POU6F2: variants seen among roughly 807,000 people sequenced by gnomAD.
POU6F2 encodes the protein POU domain, class 6, transcription factor 2.
Under a neutral mutation model 71.3 loss-of-function variants are expected in POU6F2, and 31 were observed. That is an observed-to-expected ratio of 0.43 (90% CI 0.33 to 0.59). The LOEUF (loss-of-function observed/expected upper bound fraction) is 0.59. Among genes scored for constraint, POU6F2 ranks in the 20% least tolerant of loss-of-function variants. The probability of loss-of-function intolerance (pLI) is 0.04; values close to 1 mark genes in which losing one functional copy is unlikely to be tolerated. For missense variants in POU6F2, 783 were observed against 856.8 expected (o/e 0.91, Z 1.07); for synonymous variants, 347 against 355.7 (o/e 0.98, Z 0.27).
chr7:39,079,921 C>T (rs1398846645), intron 1 of POU6F2, among the ~76,000 whole-genome samples: 3 of 151,928 alleles, frequency 2.0e-5, no homozygotes, highest in African/African-American at 7.3e-5. Context: ...TGGGATTTTC[C>T]ACTTTTTTTC....
At chr7:39,194,269 C>T (rs1195155185) in intron 2 of POU6F2, among the ~76,000 whole-genome samples, 2 of 152,186 alleles carry the variant, frequency 1.3e-5, no homozygotes, top group Non-Finnish European at 2.9e-5. Flanking sequence ...CAGGATGCTG[C>T]GAGTTTTTCA....
chr7:39,282,713 TG>T (rs1270183852), intron 4 of POU6F2, among the ~76,000 whole-genome samples: 2 of 152,158 alleles, frequency 1.3e-5, no homozygotes, highest in East Asian at 3.9e-4. Context: ...AGTCAGGTAA[TG>T]TGATGCCTCC....
intron 5 of POU6F2, among the ~76,000 whole-genome samples, chr7:39,354,583 C>T (rs1007608735): frequency 2.0e-5 from 3 of 152,082 alleles, no homozygotes; most frequent in African/African-American, 4.8e-5. Context: ...ATGTGGACGG[C>T]GTATAGTATT....
chr7:38,990,557 T>G (rs766850833), intron 1 of POU6F2, among the ~76,000 whole-genome samples: 1 of 152,198 alleles, frequency 6.6e-6, no homozygotes, highest in Non-Finnish European at 1.5e-5. Flanking sequence ...GAAAACAAAA[T>G]GCTGATTTGG....
chr7:39,207,131 A>G (rs1309430748), intron 3 of POU6F2, among the ~76,000 whole-genome samples: 1 of 152,252 alleles, frequency 6.6e-6, no homozygotes, highest in Non-Finnish European at 1.5e-5. Flanking sequence ...GAAGAGTAGC[A>G]TATAAACGTA....
intron 2 of POU6F2, among the ~76,000 whole-genome samples, chr7:39,185,963 T>C (rs1194147256): frequency 3.3e-5 from 5 of 151,696 alleles, no homozygotes; most frequent in Non-Finnish European, 4.4e-5. Flanking sequence ...CAGGGTGGAG[T>C]GCAGCAGCAC....
intron 9 of POU6F2, among the ~76,000 whole-genome samples, chr7:39,462,621 G>A (rs913865232): frequency 6.6e-6 from 1 of 152,158 alleles, no homozygotes; most frequent in Non-Finnish European, 1.5e-5. Context: ...TATGGCAAAC[G>A]ATGGCAAAAT....
chr7:39,189,719 T>C (rs2128742974), intron 2 of POU6F2, among the ~76,000 whole-genome samples: 2 of 152,146 alleles, frequency 1.3e-5, no homozygotes, highest in East Asian at 3.9e-4. Context: ...TAAATTGGCT[T>C]CATTTTTCCT....
At chr7:39,225,408 C>T (rs1794443116) in intron 4 of POU6F2, among the ~76,000 whole-genome samples, 1 of 152,186 alleles carries the variant, frequency 6.6e-6, no homozygotes, top group African/African-American at 2.4e-5. Flanking sequence ...ATGTTGAACT[C>T]TCATAACAAA....
Position 39,030,543 on chromosome 7 carries a change from T to TATAC in POU6F2, c.105+52486_105+52487insTACA, listed in dbSNP as rs1491146903. ...ATATATATATATATATATATATATA[T>TATAC]ACACACACATACATATATTCCATTG... On this transcript the variant is annotated intron_variant, in intron 1 of 9. Transcript: ENST00000518318. Among the ~76,000 whole-genome samples, 428 of 87,810 alleles carry TATAC rather than the reference T, an allele frequency of 4.9e-3. 7 individuals are homozygous for TATAC. The highest frequency in any genetic ancestry group is 0.012 in the African/African-American group (298 of 25,324). The allele number at this position is 87,810 out of a possible 152,430, so 57.6% of individuals were successfully genotyped here.
intron 2 of POU6F2, among the ~76,000 whole-genome samples, chr7:39,111,091 T>C (rs1791802168): frequency 6.6e-6 from 1 of 152,232 alleles, no homozygotes; most frequent in Admixed American, 6.5e-5. Flanking sequence ...TGTATATATG[T>C]ATACTTTTGT....
chr7:38,998,816 ATTTTTTTT>A (rs757703122), intron 1 of POU6F2, among the ~76,000 whole-genome samples: 2 of 116,582 alleles, frequency 1.7e-5, no homozygotes, highest in African/African-American at 3.3e-5. Flanking sequence ...CACCCGGCTA[ATTTTTTTT>A]TTTTTTTTTT....
chr7:39,094,044 T>A (rs1791406697), intron 2 of POU6F2, among the ~76,000 whole-genome samples: 1 of 152,062 alleles, frequency 6.6e-6, no homozygotes, highest in South Asian at 2.1e-4. Flanking sequence ...CAAATGTACT[T>A]CTCCTGTATA....
At chr7:39,194,752 C>T (rs1291296452) in intron 2 of POU6F2, among the ~76,000 whole-genome samples, 1 of 152,210 alleles carries the variant, frequency 6.6e-6, no homozygotes, top group African/African-American at 2.4e-5. Flanking sequence ...TCTTTGCTTC[C>T]GCACTACCTT....
chr7:39,369,914 A>C (rs1175784602), intron 5 of POU6F2, among the ~76,000 whole-genome samples: 1 of 151,076 alleles, frequency 6.6e-6, no homozygotes, highest in African/African-American at 2.4e-5. Flanking sequence ...GGCTGGCGTC[A>C]AACTCCTGGG....
chr7:39,135,852 A>G (rs2128730662), intron 2 of POU6F2, among the ~76,000 whole-genome samples: 1 of 152,358 alleles, frequency 6.6e-6, no homozygotes, highest in East Asian at 1.9e-4. Flanking sequence ...CTGTGATGAC[A>G]GCATGATTAG....
At chr7:39,364,260 C>CTTTTTTTTTTT (rs112590056) in intron 5 of POU6F2, among the ~76,000 whole-genome samples, 1 of 143,916 alleles carries the variant, frequency 6.9e-6, no homozygotes. Flanking sequence ...TCTCTATTCT[C>CTTTTTTTTTTT]TTTTTTTTTT....
chr7:39,340,286 G>T (rs1344191679), intron 5 of POU6F2, among the ~76,000 whole-genome samples: 1 of 152,220 alleles, frequency 6.6e-6, no homozygotes, highest in African/African-American at 2.4e-5. Context: ...CACTATAAGT[G>T]CATTTGGAGC....
intron 5 of POU6F2, chr7:39,406,387 C>T: frequency 1.7e-6 from 1 of 573,446 alleles, no homozygotes. Flanking sequence ...CAGACTCCAC[C>T]AAGCTCCCCA....
Sources: allele counts gnomAD v4.1 joint callset (sites outside exome capture counted in the v4.1 genomes callset), GRCh38; gene constraint gnomAD v4.1.1; transcripts MANE v1.5; gene names NCBI Gene and HGNC (gene_info 2026-07-23, HGNC 2026-07-21).